CMIP: variants seen among roughly 807,000 people sequenced by gnomAD.
CMIP encodes the protein c-Maf inducing protein, also known as C-Maf-inducing protein.
CMIP carries 13 observed loss-of-function variants against 97.3 expected under a neutral mutation model. The observed-to-expected ratio is 0.13, with a 90% CI of 0.09 to 0.21. The LOEUF is 0.21. CMIP is among the 10% of genes least tolerant of loss of function. CMIP has a pLI of 1.00. For missense variants in CMIP, 847 were observed against 1,024.9 expected, an observed-to-expected ratio of 0.83 and a Z score of 2.37; for synonymous variants, 538 against 436.3, an observed-to-expected ratio of 1.23 and a Z score of -2.91.
chr16:81,676,458 C>G (rs546684695), intron 9 of CMIP, among the ~76,000 whole-genome samples: 1 of 152,082 alleles, frequency 6.6e-6, no homozygotes, highest in African/African-American at 2.4e-5. Flanking sequence ...TGAAAATCAC[C>G]AATCTGAGCC....
chr16:81,685,731 CT>C (rs1366680039), intron 10 of CMIP, among the ~76,000 whole-genome samples: 3 of 138,356 alleles, frequency 2.2e-5, no homozygotes, highest in South Asian at 2.3e-4. Flanking sequence ...TTTTTTTTAA[CT>C]TTTTTTTTCT....
At chr16:81,461,489 A>C (rs1054271261) in intron 1 of CMIP, among the ~76,000 whole-genome samples, 3 of 152,170 alleles carry the variant, frequency 2.0e-5, no homozygotes, top group Admixed American at 6.6e-5. Flanking sequence ...CAGTGAGCTC[A>C]GAGACAGCCA....
At chr16:81,656,699 A>T (rs1234057786) in intron 4 of CMIP, among the ~76,000 whole-genome samples, 2 of 152,210 alleles carry the variant, frequency 1.3e-5, no homozygotes, top group Non-Finnish European at 2.9e-5. Context: ...GTGTGGTGGC[A>T]CAATCTCAGC....
At chr16:81,676,842 A>G (rs1283919606) in intron 9 of CMIP, among the ~76,000 whole-genome samples, 1 of 151,454 alleles carries the variant, frequency 6.6e-6, no homozygotes, top group Non-Finnish European at 1.5e-5. Flanking sequence ...TTCCCCAAAC[A>G]CAATGCCAGC....
Position 81,701,778 on chromosome 16 carries a change from G to A in CMIP, c.1874G>A (p.Arg625Gln), listed in dbSNP as rs1321931193. The A allele has an allele frequency of 2.5e-6, 4 of 1,613,584 alleles. No homozygotes were observed. The highest frequency in any genetic ancestry group is 3.4e-6 in the Non-Finnish European group (4 of 1,179,880). Reference sequence around the variant, plus strand: ...CGCATGTACGAGCAGCTGTGTGACCGGCAGCGGGAGCTGAAGGAGCTGGTG... The same window carrying A: ...CGCATGTACGAGCAGCTGTGTGACCAGCAGCGGGAGCTGAAGGAGCTGGTG... ...GKRMYEQLCD[R>Q]QRELKELQRK... is the part of the protein sequence containing the mutation. Residue 625 changes from arginine to glutamine, a missense_variant, in exon 16 of 21, where the codon CGG becomes CAG. Arg to Gln is a conservative substitution (Grantham distance 43). Around this residue, in one of 4 missense-constraint regions of CMIP, gnomAD observed 266 missense variants for 384.2 expected, o/e 0.69. Transcript: ENST00000537098.
At chr16:81,661,063 C>T (rs539683798) in intron 6 of CMIP, 117 bp downstream of exon 6, 160 of 1,224,128 alleles carry the variant, frequency 1.3e-4, no homozygotes, top group Non-Finnish European at 1.6e-4. Flanking sequence ...TCTTGGGTCA[C>T]GGTCCCAGAC....
intron 1 of CMIP, among the ~76,000 whole-genome samples, chr16:81,503,465 T>C (rs1347670254): frequency 8.5e-5 from 13 of 152,172 alleles, no homozygotes; most frequent in East Asian, 1.9e-4. Flanking sequence ...GCAACAATTA[T>C]GGCTTACTGC....
intron 1 of CMIP, among the ~76,000 whole-genome samples, chr16:81,569,527 T>C (rs944007991): frequency 2.6e-5 from 4 of 152,232 alleles, no homozygotes; most frequent in Non-Finnish European, 5.9e-5. Context: ...TGCCGAGACC[T>C]GCAGGAACTG....
chr16:81,693,630 C>T (rs1906365806), intron 13 of CMIP, 143 bp downstream of exon 13: 4 of 870,602 alleles, frequency 4.6e-6, no homozygotes, highest in Non-Finnish European at 6.9e-6. Context: ...ATAAACACAT[C>T]CCCGCCTGGT....
intron 1 of CMIP, among the ~76,000 whole-genome samples, chr16:81,544,712 ATGT>A (rs369041259): frequency 1.3e-5 from 2 of 150,196 alleles, no homozygotes; most frequent in Non-Finnish European, 3.0e-5. Flanking sequence ...TGTTTGTGGA[ATGT>A]TGTGTGTATA....
At chr16:81,663,511 T>C (rs955859381) in intron 6 of CMIP, among the ~76,000 whole-genome samples, 10 of 152,006 alleles carry the variant, frequency 6.6e-5, no homozygotes, top group African/African-American at 2.4e-4. Flanking sequence ...GCACAGAGGA[T>C]TTTTAGGGCG....
intron 10 of CMIP, 73 bp downstream of exon 10, chr16:81,678,701 G>A (rs1471400472): frequency 1.4e-6 from 1 of 705,914 alleles, no homozygotes; most frequent in African/African-American, 1.8e-5. Context: ...GGGTGCGGCT[G>A]TGTTTGTTGG....
At chr16:81,459,787 A>G (rs751889833) in intron 1 of CMIP, among the ~76,000 whole-genome samples, 4 of 152,172 alleles carry the variant, frequency 2.6e-5, no homozygotes, top group African/African-American at 9.7e-5. Context: ...TCGGGTCTGC[A>G]GTGACAGAGC....
At chr16:81,585,372 T>C (rs1314272723) in intron 1 of CMIP, among the ~76,000 whole-genome samples, 8 of 152,176 alleles carry the variant, frequency 5.3e-5, no homozygotes, top group Middle Eastern at 3.2e-3. Context: ...TACCATTTGG[T>C]GGCATTTAGT....
chr16:81,453,335 G>A lies in CMIP; in HGVS notation c.300+7794G>A, dbSNP rs1204372700. Among the ~76,000 whole-genome samples the A allele has an allele frequency of 1.3e-5, 2 of 152,216 alleles. No homozygotes were observed. Among genetic ancestry groups the A allele is most frequent in the Non-Finnish European group, 2.9e-5 (2 of 68,028 alleles). ...TCCCTGGTGGATATAGGATTTGAGT[G>A]TATGGAATCAAACAGCCATCTGGGT... is the stretch of plus-strand genomic sequence containing the variant. On this transcript the variant is annotated intron_variant, in intron 1 of 20. Coordinates refer to ENST00000537098, the MANE Select transcript of CMIP (RefSeq NM_198390.3). The surrounding 1 kb of genome is among the most constrained non-coding windows in gnomAD (Gnocchi z 4.0).
intron 7 of CMIP, chr16:81,665,348 A>C (rs1597216158): frequency 6.6e-6 from 1 of 152,144 alleles, no homozygotes. Flanking sequence ...AATAAGAATA[A>C]CATCTTTTTG....
intron 1 of CMIP, among the ~76,000 whole-genome samples, chr16:81,543,785 C>A (rs2090492651): frequency 6.6e-6 from 1 of 152,180 alleles, no homozygotes; most frequent in African/African-American, 2.4e-5. Flanking sequence ...GTCTTTCCTT[C>A]CAAGGAGATA....
chr16:81,451,033 T>A (rs1906174957), intron 1 of CMIP, among the ~76,000 whole-genome samples: 1 of 152,220 alleles, frequency 6.6e-6, no homozygotes, highest in South Asian at 2.1e-4. Context: ...AGTGTTCTGT[T>A]GTAGAAGTGT....
At chr16:81,606,239 G>A (rs537008909) in intron 1 of CMIP, among the ~76,000 whole-genome samples, 9 of 152,168 alleles carry the variant, frequency 5.9e-5, no homozygotes, top group Admixed American at 1.3e-4. Context: ...GGCAAATCAC[G>A]TGACCTCCTG....
Sources: gnomAD v4.1 joint callset for allele counts (sites outside exome capture counted in the v4.1 genomes callset) on GRCh38, gnomAD v4.1.1 for gene constraint, gnomAD v4.1.1 regional missense constraint, Gnocchi (gnomAD v3.1) non-coding constraint, MANE v1.5 for transcripts, NCBI Gene and HGNC (gene_info 2026-07-23, HGNC 2026-07-21) for gene names.